CDK19: variants seen among roughly 807,000 people sequenced by gnomAD.
CDK19 encodes the protein cyclin-dependent kinase 19.
A neutral mutation model predicts 68.3 loss-of-function variants in CDK19; 20 were observed. The ratio of observed to expected loss-of-function variants is 0.29; its 90% confidence interval spans 0.21 to 0.43. The LOEUF (loss-of-function observed/expected upper bound fraction) is 0.43. Ranked by LOEUF, CDK19 falls within the 20% of genes least tolerant of loss-of-function variation. The pLI is 1.00. For missense variants in CDK19, 339 were observed against 623.5 expected (o/e 0.54, Z 4.86); for synonymous variants, 221 against 222.8 (o/e 0.99, Z 0.07).
intron 4 of CDK19, among the ~76,000 whole-genome samples, chr6:110,662,341 T>C (rs572353525): frequency 1.3e-5 from 2 of 151,984 alleles, no homozygotes; most frequent in Non-Finnish European, 2.9e-5. Flanking sequence ...CTTCATTCAA[T>C]AAAGACTTCG....
rs34599467 is a variant in CDK19 at position 110,723,151 on chromosome 6, C to CAAA, written c.204+22972_204+22974dup. 3.5e-4 allele frequency among the ~76,000 whole-genome samples: 46 copies of CAAA among 132,242 alleles called. 1 individual carries two copies. The highest frequency in any genetic ancestry group is 1.3e-3 in the African/African-American group (43 of 34,378). The allele number at this position is 132,242 out of a possible 152,430, so 86.8% of individuals were successfully genotyped here. On this transcript the variant is annotated intron_variant, in intron 2 of 12. Coordinates refer to ENST00000368911, the MANE Select transcript of CDK19 (RefSeq NM_015076.5). ...AGGCTTTGTCAAAAAAAACAAAAAA[C>CAAA]AAAAAAAAAAACGCAGATTTGTCCT...
At chr6:110,796,490 C>T (rs899032037) in intron 1 of CDK19, among the ~76,000 whole-genome samples, 2 of 150,366 alleles carry the variant, frequency 1.3e-5, no homozygotes, top group Non-Finnish European at 3.0e-5. Context: ...CCCATCTCTA[C>T]AAAAACTACA....
intron 1 of CDK19, among the ~76,000 whole-genome samples, chr6:110,768,031 TGAAAA>T (rs1779714911): frequency 6.6e-6 from 1 of 151,864 alleles, no homozygotes; most frequent in Non-Finnish European, 1.5e-5. Context: ...AGAGGAGCTC[TGAAAA>T]GAAAATAAAA....
intron 4 of CDK19, among the ~76,000 whole-genome samples, chr6:110,640,601 A>G (rs781084082): frequency 7.2e-5 from 11 of 152,214 alleles, no homozygotes; most frequent in Non-Finnish European, 1.5e-4. Flanking sequence ...CAGAAAAGTT[A>G]TAAGAGGTAA....
intron 2 of CDK19, among the ~76,000 whole-genome samples, chr6:110,707,923 G>C (rs1194667003): frequency 6.6e-6 from 1 of 152,170 alleles, no homozygotes; most frequent in Non-Finnish European, 1.5e-5. Flanking sequence ...AGTGAGACGA[G>C]ATCATGCCAC....
At position 110,684,566 on chromosome 6, in the gene CDK19, T is replaced by C. The variant is rs570608124; in HGVS notation, c.205-14025A>G. On this transcript the variant is annotated intron_variant, in intron 2 of 12. Coordinates refer to ENST00000368911, the MANE Select transcript of CDK19 (RefSeq NM_015076.5). ...ATTCTGTCCCTAGTTTTCTTGTCCT[T>C]CTCCATTCCACAGTTTTTCTTAACA... Among the ~76,000 whole-genome samples the C allele has an allele frequency of 1.4e-4, 21 of 152,204 alleles. 1 individual carries two copies. In the East Asian group the frequency reaches 2.1e-3, roughly 15 times the overall value.
intron 8 of CDK19, among the ~76,000 whole-genome samples, chr6:110,623,799 C>T (rs1429636026): frequency 1.9e-4 from 23 of 121,066 alleles, no homozygotes; most frequent in Admixed American, 1.8e-3. Context: ...TATATACACA[C>T]ACATATACAC....
chr6:110,723,671 A>T (rs775420545), intron 2 of CDK19, among the ~76,000 whole-genome samples: 32 of 152,012 alleles, frequency 2.1e-4, no homozygotes, highest in Admixed American at 1.6e-3. Context: ...TACACTAATC[A>T]CTCCTGATTT....
chr6:110,757,878 G>A (rs954104682), intron 1 of CDK19, among the ~76,000 whole-genome samples: 18 of 152,164 alleles, frequency 1.2e-4, no homozygotes, highest in Non-Finnish European at 1.6e-4. Flanking sequence ...GAGAAATAAC[G>A]AATAAGCAGC....
intron 2 of CDK19, chr6:110,670,883 A>G (rs2114446337): frequency 2.4e-6 from 1 of 409,670 alleles, no homozygotes; most frequent in Middle Eastern, 7.8e-4. Context: ...ATATCATTAA[A>G]TAATTAATTA....
At chr6:110,737,137 TCTATTCC>T (rs974090276) in intron 2 of CDK19, among the ~76,000 whole-genome samples, 4 of 152,306 alleles carry the variant, frequency 2.6e-5, no homozygotes, top group African/African-American at 7.2e-5. Flanking sequence ...AGCTAACTAG[TCTATTCC>T]CTTAGGGTGG....
At chr6:110,695,055 T>C (rs755204672) in intron 2 of CDK19, among the ~76,000 whole-genome samples, 48 of 152,078 alleles carry the variant, frequency 3.2e-4, no homozygotes, top group Non-Finnish European at 6.0e-4. Flanking sequence ...ACACAGAGGT[T>C]GCAGTGAACT....
chr6:110,731,351 G>A (rs1485672438), intron 2 of CDK19, among the ~76,000 whole-genome samples: 1 of 152,112 alleles, frequency 6.6e-6, no homozygotes, highest in Non-Finnish European at 1.5e-5. Flanking sequence ...GCTGGAGACT[G>A]GCTAATTGAA....
intron 1 of CDK19, among the ~76,000 whole-genome samples, chr6:110,757,253 C>T (rs1321803514): frequency 2.6e-5 from 4 of 152,132 alleles, no homozygotes; most frequent in African/African-American, 7.2e-5. Flanking sequence ...CGCCCTTCTT[C>T]AGTAAACACC....
intron 2 of CDK19, among the ~76,000 whole-genome samples, chr6:110,678,199 C>T (rs1356181969): frequency 6.6e-6 from 1 of 151,924 alleles, no homozygotes; most frequent in African/African-American, 2.4e-5. Context: ...AGCACAATGC[C>T]TGACACATTG....
At chr6:110,644,149 G>C (rs760151051) in intron 4 of CDK19, among the ~76,000 whole-genome samples, 1 of 151,906 alleles carries the variant, frequency 6.6e-6, no homozygotes, top group South Asian at 2.1e-4. Context: ...AAAATTAGCC[G>C]GGCATGATGG....
At chr6:110,773,334 ACT>A (rs1344997252) in intron 1 of CDK19, among the ~76,000 whole-genome samples, 2 of 148,344 alleles carry the variant, frequency 1.3e-5, no homozygotes, top group African/African-American at 2.5e-5. Flanking sequence ...ACAGAGCAAG[ACT>A]CTGTCTCAAA....
intron 4 of CDK19, among the ~76,000 whole-genome samples, chr6:110,657,888 CCT>C (rs1375343957): frequency 6.6e-6 from 1 of 152,040 alleles, no homozygotes; most frequent in Non-Finnish European, 1.5e-5. Flanking sequence ...TGGTGTGTAC[CCT>C]CTCACTATGG....
At chr6:110,648,538 CTTTTTTT>C (rs60624969) in intron 4 of CDK19, among the ~76,000 whole-genome samples, 15 of 120,232 alleles carry the variant, frequency 1.2e-4, no homozygotes, top group South Asian at 8.2e-4. Context: ...TTTTTCTTTT[CTTTTTTT>C]TTTTTTTTTT....
Sources: allele counts gnomAD v4.1 joint callset (sites outside exome capture counted in the v4.1 genomes callset), GRCh38; gene constraint gnomAD v4.1.1; transcripts MANE v1.5; gene names NCBI Gene and HGNC (gene_info 2026-07-23, HGNC 2026-07-21).